The following GABRA1 variants were observed in gnomAD, a reference collection of about 807,000 sequenced individuals.
GABRA1 encodes gamma-aminobutyric acid receptor subunit alpha-1.
A neutral mutation model predicts 48.9 loss-of-function variants in GABRA1; 9 were observed. The observed-to-expected ratio is 0.18, with a 90% confidence interval of 0.11 to 0.32. GABRA1 has a LOEUF of 0.32. GABRA1 is among the 10% of genes least tolerant of loss of function. GABRA1 has a pLI of 1.00. For missense variants in GABRA1, 285 were observed against 553.8 expected (o/e 0.51, Z 4.87); for synonymous variants, 210 against 198.7 (o/e 1.06, Z -0.48).
In GABRA1 at chr5:161,869,860, C is replaced by T. The variant is rs566613278; in HGVS notation, c.256-3257C>T. ...CAACCTCTCTTCCACGGAGTCCCCT[C>T]TTCTGCATTTTGTTTTTAGTTAACT... On this transcript the variant is annotated intron_variant, in intron 4 of 9. Transcript: ENST00000393943. Among the ~76,000 whole-genome samples, 39 of 152,260 alleles carry T rather than the reference C, an allele frequency of 2.6e-4. No individual in the cohort carries two copies. The South Asian group carries it at 7.7e-3, about 30-fold the overall frequency.
intron 3 of GABRA1, 135 bp from the exon 4 acceptor site, chr5:161,865,586 G>A (rs1753798083): frequency 2.3e-5 from 18 of 776,888 alleles, no homozygotes; most frequent in South Asian, 2.2e-4. Flanking sequence ...AAATTATCAG[G>A]ACTACACAGT....
At chr5:161,860,620 A>C (rs1757816127) in intron 3 of GABRA1, among the ~76,000 whole-genome samples, 1 of 150,900 alleles carries the variant, frequency 6.6e-6, no homozygotes, top group Admixed American at 6.6e-5. Context: ...GGACATTTTA[A>C]AATAACTAAA....
intron 6 of GABRA1, among the ~76,000 whole-genome samples, chr5:161,878,938 G>A (rs1754487272): frequency 6.6e-6 from 1 of 152,094 alleles, no homozygotes; most frequent in Non-Finnish European, 1.5e-5. Flanking sequence ...TACGACTTTA[G>A]AAATCATTTT....
chr5:161,867,511 T>G (rs1753921468), intron 4 of GABRA1, among the ~76,000 whole-genome samples: 1 of 152,164 alleles, frequency 6.6e-6, no homozygotes, highest in African/African-American at 2.4e-5. Flanking sequence ...ACAAATTGCT[T>G]AAGCTTCTAA....
intron 4 of GABRA1, among the ~76,000 whole-genome samples, chr5:161,872,683 G>C (rs893241677): frequency 2.6e-5 from 4 of 152,128 alleles, no homozygotes; most frequent in Non-Finnish European, 4.4e-5. Flanking sequence ...GAGACAATGA[G>C]AGGGCCCCCA....
intron 2 of GABRA1, among the ~76,000 whole-genome samples, chr5:161,851,126 T>A (rs1285221251): frequency 6.6e-6 from 1 of 152,190 alleles, no homozygotes; most frequent in Non-Finnish European, 1.5e-5. Flanking sequence ...ATTTAAGTCT[T>A]AGATTGAACT....
chr5:161,865,930 A>G (rs1753816976), intron 4 of GABRA1, 142 bp downstream of exon 4: 3 of 646,898 alleles, frequency 4.6e-6, no homozygotes, highest in Non-Finnish European at 5.5e-6. Context: ...AATATGTAAT[A>G]TGTAATATAA....
rs918885784 is a variant in GABRA1, at chr5:161,895,911, T to G, written c.1059+43T>G. ...CACTGTAGTACATCAATATTATGTC[T>G]CTTTAAACCTATGAAATGAGATGTT... On this transcript the variant is annotated intron_variant, in intron 9 of 9. Coordinates refer to ENST00000393943, the MANE Select transcript of GABRA1 (RefSeq NM_001127644.2). 18 of 1,502,740 alleles carry G rather than the reference T, an allele frequency of 1.2e-5. No homozygotes were observed. In the East Asian group the frequency reaches 4.1e-4, roughly 34 times the overall value. 93.1% of individuals were successfully genotyped at this position (1,502,740 alleles called of 1,614,324 possible).
chr5:161,897,572 C>T lies in GABRA1; in HGVS notation c.*150C>T. 1 of 786,526 alleles carries T rather than the reference C, an allele frequency of 1.3e-6. No homozygotes were observed. 48.7% of individuals were successfully genotyped at this position (786,526 alleles called of 1,614,324 possible). On this transcript the variant is annotated 3_prime_UTR_variant, in exon 10 of 10. Transcript: ENST00000393943. ...TAATTCATTTAAGAACAAGAGACCC[C>T]TGTCTGGCAGTCTGGAGCAAAGCAG...
At chr5:161,893,008 A>AT (rs1554087328) in intron 8 of GABRA1, among the ~76,000 whole-genome samples, 16,653 of 72,254 alleles carry the variant, frequency 0.23, 1,231 homozygotes, top group African/African-American at 0.28. Context: ...CCTTCTCAAA[A>AT]AAATAATAAT....
chr5:161,861,941 C>T (rs1403400141), intron 3 of GABRA1, among the ~76,000 whole-genome samples: 1 of 151,888 alleles, frequency 6.6e-6, no homozygotes, highest in Non-Finnish European at 1.5e-5. Flanking sequence ...AATAGACCTC[C>T]ATCATCAGTT....
chr5:161,888,481 A>G (rs1466810744), intron 7 of GABRA1, among the ~76,000 whole-genome samples: 1 of 152,140 alleles, frequency 6.6e-6, no homozygotes, highest in African/African-American at 2.4e-5. Flanking sequence ...CAGATCTCCA[A>G]AAATTATATT....
intron 7 of GABRA1, 84 bp downstream of exon 7, chr5:161,882,785 A>C (rs1188840464): frequency 1.7e-5 from 22 of 1,329,554 alleles, no homozygotes; most frequent in Non-Finnish European, 1.9e-5. Context: ...TCAGTAACAC[A>C]AGTCTAGGAG....
At chr5:161,874,684 C>G (rs930177242) in intron 5 of GABRA1, among the ~76,000 whole-genome samples, 2 of 151,986 alleles carry the variant, frequency 1.3e-5, no homozygotes, top group African/African-American at 4.8e-5. Flanking sequence ...TAAATTTATA[C>G]TTTGTATATT....
chr5:161,865,505 T>G (rs891643547), intron 3 of GABRA1, among the ~76,000 whole-genome samples: 3 of 152,136 alleles, frequency 2.0e-5, no homozygotes, highest in African/African-American at 4.8e-5. Context: ...AAAGTCTGCC[T>G]CCCAAAGTGG....
In GABRA1 at chr5:161,891,001, A is replaced by G. The variant is rs1268319514; in HGVS notation, c.807A>G (p.Gln269=). 1 of 1,613,908 alleles carries G rather than the reference A, an allele frequency of 6.2e-7. No individual in the cohort carries two copies. Among genetic ancestry groups the G allele is most frequent in the Admixed American group, 1.7e-5 (1 of 60,012 alleles). Residue 269 remains glutamine, a synonymous_variant, in exon 8 of 10, where the codon CAA becomes CAG. Transcript: ENST00000393943. ...GCATAATGACAGTGATTCTCTCACA[A>G]GTCTCCTTCTGGCTCAACAGAGAGT... ...LPCIMTVILS[Q]VSFWLNRESV...
intron 8 of GABRA1, among the ~76,000 whole-genome samples, chr5:161,895,056 A>G (rs989914068): frequency 6.6e-6 from 1 of 152,016 alleles, no homozygotes; most frequent in Non-Finnish European, 1.5e-5. Context: ...GTGTGTGTCT[A>G]TATGTATATG....
intron 4 of GABRA1, 150 bp from the exon 5 acceptor site, chr5:161,872,967 T>A: frequency 1.5e-6 from 1 of 683,780 alleles, no homozygotes; most frequent in East Asian, 2.6e-5. Flanking sequence ...GACATCAACA[T>A]GTACATGCTA....
chr5:161,897,503 T>G lies in GABRA1; in HGVS notation c.*81T>G. 1 of 1,257,056 alleles carries G rather than the reference T, an allele frequency of 8.0e-7. No individual in the cohort carries two copies. Among genetic ancestry groups the G allele is most frequent in the Non-Finnish European group, 1.2e-6 (1 of 863,588 alleles). 77.9% of individuals were successfully genotyped at this position (1,257,056 alleles called of 1,614,324 possible). A position where few individuals can be genotyped will look rare whatever the true frequency, so the allele number is the denominator to read the frequency against. On this transcript the variant is annotated 3_prime_UTR_variant, in exon 10 of 10. Transcript: ENST00000393943. ...CTCAACGCAGTAATTCCCATCTGCT[T>G]TATTGCCTCTGTCTTAAAGAATTTG... is the stretch of plus-strand genomic sequence containing the variant.
Sources: allele counts gnomAD v4.1 joint callset (sites outside exome capture counted in the v4.1 genomes callset), GRCh38; gene constraint gnomAD v4.1.1; transcripts MANE v1.5; gene names NCBI Gene and HGNC (gene_info 2026-07-23, HGNC 2026-07-21).